ZDHHC17: variants seen among roughly 807,000 people sequenced by gnomAD.
The protein encoded by ZDHHC17 is palmitoyltransferase ZDHHC17.
A neutral mutation model predicts 90.3 loss-of-function variants in ZDHHC17; 40 were observed. The observed-to-expected ratio is 0.44, with a 90% CI of 0.34 to 0.58. The LOEUF (loss-of-function observed/expected upper bound fraction) is 0.58, where lower values mean the gene tolerates loss of function less well. Ranked by LOEUF, ZDHHC17 falls within the 20% of genes least tolerant of loss-of-function variation. ZDHHC17 has a pLI of 0.01. For synonymous variants in ZDHHC17, 235 were observed against 252.4 expected (o/e 0.93, Z 0.65); for missense variants, 614 against 780.8 (o/e 0.79, Z 2.55).
At chr12:76,816,498 A>T (rs977797065) in intron 7 of ZDHHC17, among the ~76,000 whole-genome samples, 1 of 152,070 alleles carries the variant, frequency 6.6e-6, no homozygotes, top group Admixed American at 6.6e-5. Flanking sequence ...TTTAAACATC[A>T]TCTTTTAATC....
chr12:76,765,951 C>T (rs1359864022), intron 1 of ZDHHC17, among the ~76,000 whole-genome samples: 1 of 152,212 alleles, frequency 6.6e-6, no homozygotes, highest in African/African-American at 2.4e-5. Context: ...GTCCTCTCAC[C>T]TTAGCTACTT....
intron 1 of ZDHHC17, among the ~76,000 whole-genome samples, chr12:76,769,620 T>C (rs1207487338): frequency 3.3e-5 from 5 of 152,142 alleles, no homozygotes; most frequent in Admixed American, 3.3e-4. Flanking sequence ...AAAAATGTTA[T>C]AGGTCATATA....
chr12:76,842,169 CATT>C (rs1953443405), intron 11 of ZDHHC17, 63 bp downstream of exon 11: 1 of 1,406,042 alleles, frequency 7.1e-7, no homozygotes, highest in African/African-American at 1.5e-5. Flanking sequence ...TTACAGCAGA[CATT>C]AGAGGACAGA....
At chr12:76,844,446 C>T (rs1953470688) in intron 12 of ZDHHC17, 2 of 152,106 alleles carry the variant, frequency 1.3e-5, no homozygotes, top group Non-Finnish European at 1.5e-5. Flanking sequence ...TGCACTCCAG[C>T]CTGGGCCACA....
In ZDHHC17 at chr12:76,809,705, T is replaced by C. The variant is rs771599551; in HGVS notation, c.399-8T>C. On this transcript the variant is annotated splice_polypyrimidine_tract_variant and splice_region_variant and intron_variant, in intron 4 of 16. Transcript: ENST00000426126. ...ATATATCTAAGTGTTTATTCTTTTATGTTTTAGACAAGGCCATCTATCCAT... is the reference window on the plus strand; with the variant it reads ...ATATATCTAAGTGTTTATTCTTTTACGTTTTAGACAAGGCCATCTATCCAT... The C allele has an allele frequency of 6.2e-6, 9 of 1,454,228 alleles. No homozygotes were observed. Among genetic ancestry groups the C allele is most frequent in the East Asian group, 2.6e-5 (1 of 38,328 alleles). The allele number at this position is 1,454,228 out of a possible 1,614,324, so 90.1% of individuals were successfully genotyped here. A position where few individuals can be genotyped will look rare whatever the true frequency, so the allele number is the denominator to read the frequency against.
At chr12:76,825,241 A>G (rs1462054340) in intron 8 of ZDHHC17, among the ~76,000 whole-genome samples, 1 of 152,170 alleles carries the variant, frequency 6.6e-6, no homozygotes, top group Non-Finnish European at 1.5e-5. Flanking sequence ...GATATTTAGG[A>G]TCTGTCTGTA....
chr12:76,852,035 T>C lies in ZDHHC17; in HGVS notation c.*1050T>C, dbSNP rs1322178964. On this transcript the variant is annotated 3_prime_UTR_variant, in exon 17 of 17. Coordinates refer to ENST00000426126, the MANE Select transcript of ZDHHC17 (RefSeq NM_015336.4). ...ATTCTGGTTTCAATAAAATGACCTATCAGAAAGTAGAATTTCATCCCCAAG... is the reference window on the plus strand; with the variant it reads ...ATTCTGGTTTCAATAAAATGACCTACCAGAAAGTAGAATTTCATCCCCAAG... 1.3e-5 allele frequency: 2 copies of C among 152,620 alleles called. No homozygotes were observed. The highest frequency in any genetic ancestry group is 4.8e-5 in the African/African-American group (2 of 41,452). The allele number at this position is 152,620 out of a possible 1,614,324, so 9.5% of individuals were successfully genotyped here. A position where few individuals can be genotyped will look rare whatever the true frequency, so the allele number is the denominator to read the frequency against.
chr12:76,791,114 C>T lies in ZDHHC17; in HGVS notation c.94-6320C>T, dbSNP rs967238172. Among the ~76,000 whole-genome samples the T allele has an allele frequency of 4.6e-5, 7 of 152,026 alleles. No individual in the cohort carries two copies. In the South Asian group the frequency reaches 6.2e-4, roughly 14 times the overall value. ...TATTGTGTCAATTAAAAATAAAAGC[C>T]GAGAAAACATGGTGTTTCAGGTAGG... On this transcript the variant is annotated intron_variant, in intron 1 of 16. Transcript: ENST00000426126.
At position 76,811,754 on chromosome 12, in the gene ZDHHC17, C is replaced by T. The variant is rs190561098; in HGVS notation, c.543+1897C>T. ...GGCCATCTGCTGACTGAGGTTACTT[C>T]CTTTAATAATGTAGTATGTATTTTA... On this transcript the variant is annotated intron_variant, in intron 5 of 16. Transcript: ENST00000426126. Among the ~76,000 whole-genome samples, 488 of 151,976 alleles carry T rather than the reference C, an allele frequency of 3.2e-3. 4 individuals carry two copies. Among genetic ancestry groups the T allele is most frequent in the African/African-American group, 0.011 (463 of 41,456 alleles).
chr12:76,842,966 C>T lies in ZDHHC17; in HGVS notation c.1314C>T (p.Phe438=). The T allele has an allele frequency of 6.2e-7, 1 of 1,610,570 alleles. No individual in the cohort carries two copies. Among genetic ancestry groups the T allele is most frequent in the Non-Finnish European group, 8.5e-7 (1 of 1,177,826 alleles). The change falls in exon 12 of 17, where the codon TTC becomes TTT. Residue 438 remains phenylalanine (F), a synonymous_variant. Transcript: ENST00000426126. ...CAGGAAGTCTGGACCTCAGTATATT[C>T]TGCAGTACCTGTTTGGTAGTATTTT... ...AETGSLDLSI[F]CSTCLIRKPV...
At chr12:76,809,152 G>C (rs1306678655) in intron 4 of ZDHHC17, 32 bp downstream of exon 4, 4 of 1,478,776 alleles carry the variant, frequency 2.7e-6, no homozygotes, top group Non-Finnish European at 3.6e-6. Flanking sequence ...TTTTTCCTTT[G>C]GTTCCTTTAT....
chr12:76,832,939 C>T (rs966699622), intron 10 of ZDHHC17, among the ~76,000 whole-genome samples: 23 of 148,906 alleles, frequency 1.5e-4, no homozygotes, highest in Non-Finnish European at 7.6e-5. Flanking sequence ...ATTCATGGCA[C>T]TTTTTCAGTG....
chr12:76,807,389 T>C (rs1952967536), intron 3 of ZDHHC17, among the ~76,000 whole-genome samples: 1 of 152,214 alleles, frequency 6.6e-6, no homozygotes, highest in African/African-American at 2.4e-5. Context: ...TATTTGTTGG[T>C]ATCAGTTGTT....
intron 3 of ZDHHC17, among the ~76,000 whole-genome samples, chr12:76,807,237 A>G (rs1396300833): frequency 6.6e-6 from 1 of 152,242 alleles, no homozygotes; most frequent in African/African-American, 2.4e-5. Flanking sequence ...GATTGCTTCC[A>G]TGTCAGTAAA....
At chr12:76,819,547 C>T (rs1222044555) in intron 7 of ZDHHC17, among the ~76,000 whole-genome samples, 2 of 152,140 alleles carry the variant, frequency 1.3e-5, no homozygotes, top group African/African-American at 4.8e-5. Flanking sequence ...TCCCCTTTCC[C>T]TAAAATACCT....
Position 76,843,019 on chromosome 12 carries a change from C to T in ZDHHC17, c.1329+38C>T, listed in dbSNP as rs567966489. On this transcript the variant is annotated intron_variant, in intron 12 of 16. Coordinates refer to ENST00000426126, the MANE Select transcript of ZDHHC17 (RefSeq NM_015336.4). Reference sequence around the variant, plus strand: ...TCTTTGTTCTTCCCTCCCTTCTCTTCCTCCTGACAGTGGCATAGCATAGCG... The same window carrying T: ...TCTTTGTTCTTCCCTCCCTTCTCTTTCTCCTGACAGTGGCATAGCATAGCG... 1.2e-5 allele frequency: 19 copies of T among 1,551,390 alleles called. 1 individual carries two copies. In the South Asian group the frequency reaches 2.1e-4, roughly 17 times the overall value.
chr12:76,790,970 T>C (rs1229846784), intron 1 of ZDHHC17, among the ~76,000 whole-genome samples: 2 of 152,188 alleles, frequency 1.3e-5, no homozygotes, highest in Non-Finnish European at 2.9e-5. Flanking sequence ...TTTAATGTTC[T>C]CAACACAAAG....
At position 76,764,173 on chromosome 12, in the gene ZDHHC17, G is replaced by T. The variant is rs1191002314; in HGVS notation, c.-64G>T. ...CCGCGTCGCCTCCGGCGGGGCTCGC[G>T]CTCGCCCCGCGCTCGCCCTCCGCCT... On this transcript the variant is annotated 5_prime_UTR_variant, in exon 1 of 17. Coordinates refer to ENST00000426126, the MANE Select transcript of ZDHHC17 (RefSeq NM_015336.4). 3.1e-6 allele frequency: 4 copies of T among 1,290,610 alleles called. No homozygotes were observed. The highest frequency in any genetic ancestry group is 5.0e-5 in the Admixed American group (2 of 39,984). The allele number at this position is 1,290,610 out of a possible 1,614,324, so 79.9% of individuals were successfully genotyped here.
chr12:76,815,231 A>G, intron 6 of ZDHHC17, 21 bp downstream of exon 6: 2 of 1,519,706 alleles, frequency 1.3e-6, no homozygotes, highest in South Asian at 1.2e-5. Flanking sequence ...ACTATAAAAA[A>G]CTTATTTAGG....
Sources: gnomAD v4.1 joint callset for allele counts (sites outside exome capture counted in the v4.1 genomes callset) on GRCh38, gnomAD v4.1.1 for gene constraint, MANE v1.5 for transcripts, NCBI Gene and HGNC (gene_info 2026-07-23, HGNC 2026-07-21) for gene names.